Variants in CPNE4 observed in about 807,000 individuals in gnomAD.
CPNE4 encodes the protein copine 4.
CPNE4 carries 25 observed loss-of-function variants against 67.9 expected under a neutral mutation model. The ratio of observed to expected loss-of-function variants is 0.37; its 90% CI spans 0.27 to 0.51. The LOEUF is 0.51. Among genes scored for constraint, CPNE4 ranks in the 20% least tolerant of loss-of-function variants. The probability of loss-of-function intolerance (pLI) is 0.93; values close to 1 mark genes in which losing one functional copy is unlikely to be tolerated. For missense variants in CPNE4, 464 were observed against 690.8 expected, an observed-to-expected ratio of 0.67 and a Z score of 3.68; for synonymous variants, 242 against 244.9, an observed-to-expected ratio of 0.99 and a Z score of 0.11.
chr3:131,962,162 CCT>C (rs144041529), intron 1 of CPNE4, among the ~76,000 whole-genome samples: 10,882 of 152,224 alleles, frequency 0.071, 1,241 homozygotes, highest in African/African-American at 0.24. Flanking sequence ...TCCTCGAGGC[CCT>C]GCCTTTTTCT....
rs145765157 is a variant in CPNE4, at chr3:131,576,577, G to C, written c.868-1447C>G. Among the ~76,000 whole-genome samples, 606 of 152,240 alleles carry C rather than the reference G, an allele frequency of 4.0e-3. 4 individuals carry two copies. The highest frequency in any genetic ancestry group is 0.014 in the African/African-American group (568 of 41,556). ...ATGCCTGACATGGAGACAGATGTCT[G>C]TATCTGTAAGAAGAGTTTATTGCTC... is the stretch of plus-strand genomic sequence containing the variant. On this transcript the variant is annotated intron_variant, in intron 9 of 15. Transcript: ENST00000429747.
chr3:131,804,902 A>G (rs1583230258), intron 2 of CPNE4, among the ~76,000 whole-genome samples: 2 of 152,232 alleles, frequency 1.3e-5, no homozygotes, highest in African/African-American at 4.8e-5. Context: ...AGACCAGAAT[A>G]ACTGCCCAAC....
At chr3:131,834,531 A>C (rs2085485905) in intron 2 of CPNE4, among the ~76,000 whole-genome samples, 1 of 152,212 alleles carries the variant, frequency 6.6e-6, no homozygotes, top group Non-Finnish European at 1.5e-5. Flanking sequence ...GTTAGTAAAG[A>C]ATCACTAAGT....
At chr3:131,970,490 G>A (rs2107945928) in intron 1 of CPNE4, among the ~76,000 whole-genome samples, 1 of 152,242 alleles carries the variant, frequency 6.6e-6, no homozygotes, top group East Asian at 1.9e-4. Context: ...CCCAAAGTTT[G>A]TTCTGACATG....
At chr3:131,627,457 G>C (rs1411547181) in intron 7 of CPNE4, among the ~76,000 whole-genome samples, 1 of 152,164 alleles carries the variant, frequency 6.6e-6, no homozygotes, top group Non-Finnish European at 1.5e-5. Context: ...TGTTGTTTTT[G>C]TGTCTGCTAA....
At chr3:131,770,250 C>T (rs138644112) in intron 2 of CPNE4, among the ~76,000 whole-genome samples, 86 of 152,282 alleles carry the variant, frequency 5.6e-4, no homozygotes, top group African/African-American at 1.9e-3. Context: ...ATTTACTCCA[C>T]ATTTTAAAGA....
At chr3:131,705,585 T>C (rs2081396891) in intron 3 of CPNE4, among the ~76,000 whole-genome samples, 1 of 152,178 alleles carries the variant, frequency 6.6e-6, no homozygotes, top group South Asian at 2.1e-4. Flanking sequence ...GAAAGGGTGA[T>C]GTGCATGTGT....
At chr3:131,719,689 A>G (rs1306419325) in intron 3 of CPNE4, among the ~76,000 whole-genome samples, 1 of 152,224 alleles carries the variant, frequency 6.6e-6, no homozygotes, top group Non-Finnish European at 1.5e-5. Context: ...ATCCATAGAT[A>G]GAGTGGGTCC....
chr3:132,010,700 G>A (rs573392386), intron 1 of CPNE4, among the ~76,000 whole-genome samples: 4 of 152,268 alleles, frequency 2.6e-5, no homozygotes, highest in South Asian at 2.1e-4. Context: ...CAGAGGGGCC[G>A]TGACTCTCTT....
At chr3:131,890,641 A>G (rs1299651461) in intron 2 of CPNE4, among the ~76,000 whole-genome samples, 2 of 152,162 alleles carry the variant, frequency 1.3e-5, no homozygotes. Flanking sequence ...AAATACCTGT[A>G]TTCTCATGTT....
At chr3:131,684,037 G>C (rs1203819331) in intron 6 of CPNE4, among the ~76,000 whole-genome samples, 1 of 152,114 alleles carries the variant, frequency 6.6e-6, no homozygotes. Flanking sequence ...GATGAGGGAG[G>C]AGTAGTATCA....
intron 15 of CPNE4, among the ~76,000 whole-genome samples, chr3:131,540,362 G>A (rs1935412361): frequency 1.3e-5 from 2 of 152,220 alleles, no homozygotes; most frequent in South Asian, 4.1e-4. Context: ...AGTCTGGGCA[G>A]GTCATGAAAT....
chr3:131,702,109 C>A (rs2081315930), intron 3 of CPNE4, among the ~76,000 whole-genome samples: 1 of 151,958 alleles, frequency 6.6e-6, no homozygotes, highest in Admixed American at 6.6e-5. Flanking sequence ...ATTTAAAGAT[C>A]TTGATGTTCA....
chr3:131,547,298 T>C (rs1180003479), intron 14 of CPNE4, among the ~76,000 whole-genome samples: 1 of 151,412 alleles, frequency 6.6e-6, no homozygotes, highest in South Asian at 2.1e-4. Flanking sequence ...CTACAAAAAA[T>C]ATAAAAATTA....
chr3:131,930,393 A>G (rs368595827), intron 1 of CPNE4, among the ~76,000 whole-genome samples: 2 of 152,076 alleles, frequency 1.3e-5, no homozygotes, highest in Admixed American at 6.6e-5. Flanking sequence ...GGGCAGGGGA[A>G]CGTACACCCT....
intron 5 of CPNE4, 85 bp downstream of exon 5, chr3:131,696,457 G>GA: frequency 7.6e-7 from 1 of 1,307,436 alleles, no homozygotes. Flanking sequence ...GGTGGAAAGG[G>GA]AAAAATAGTT....
intron 2 of CPNE4, among the ~76,000 whole-genome samples, chr3:131,896,436 T>A (rs1025418913): frequency 2.0e-5 from 3 of 152,046 alleles, no homozygotes; most frequent in African/African-American, 7.2e-5. Flanking sequence ...CTGGGAGATT[T>A]AAGTAACACA....
At chr3:131,937,631 A>G (rs1461150) in intron 1 of CPNE4, among the ~76,000 whole-genome samples, 54,437 of 151,864 alleles carry the variant, frequency 0.36, 10,361 homozygotes, top group African/African-American at 0.47. Flanking sequence ...GTGCTGGGAC[A>G]GAAACAACAC....
intron 3 of CPNE4, among the ~76,000 whole-genome samples, chr3:131,717,874 TTTTC>T (rs71136405): frequency 0.033 from 3,159 of 96,412 alleles, 81 homozygotes; most frequent in African/African-American, 0.073. Context: ...TCTTTCTTTC[TTTTC>T]TTTCTTTCTT....
Sources: allele counts gnomAD v4.1 joint callset (sites outside exome capture counted in the v4.1 genomes callset), GRCh38; gene constraint gnomAD v4.1.1; transcripts MANE v1.5; gene names NCBI Gene and HGNC (gene_info 2026-07-23, HGNC 2026-07-21).